KLHL1: variants seen among roughly 807,000 people sequenced by gnomAD.
The protein encoded by KLHL1 is kelch like family member 1.
In KLHL1, 47 loss-of-function variants were observed where a neutral mutation model predicts 77.7. The ratio of observed to expected loss-of-function variants is 0.60; its 90% CI spans 0.48 to 0.77. The LOEUF (loss-of-function observed/expected upper bound fraction) is 0.77. KLHL1 is among the 30% of genes least tolerant of loss of function. The pLI, the probability that KLHL1 is intolerant of heterozygous loss-of-function variation, is 0.00. For synonymous variants in KLHL1, 360 were observed against 325.2 expected (o/e 1.11, Z -1.15); for missense variants, 925 against 910.8 (o/e 1.02, Z -0.20).
intron 8 of KLHL1, among the ~76,000 whole-genome samples, chr13:69,733,866 G>C (rs963384290): frequency 6.6e-6 from 1 of 152,144 alleles, no homozygotes; most frequent in African/African-American, 2.4e-5. Context: ...AAATGTGTAT[G>C]TACATTCACC....
intron 6 of KLHL1, among the ~76,000 whole-genome samples, chr13:69,829,504 C>T (rs1361816317): frequency 1.3e-5 from 2 of 149,950 alleles, no homozygotes; most frequent in Non-Finnish European, 3.0e-5. Context: ...ACCAGAAAAA[C>T]AATTTTAGTA....
intron 7 of KLHL1, among the ~76,000 whole-genome samples, chr13:69,768,808 A>G (rs1281322970): frequency 6.6e-6 from 1 of 152,188 alleles, no homozygotes; most frequent in Non-Finnish European, 1.5e-5. Flanking sequence ...CCTACTCACT[A>G]AAAGCAAAAA....
intron 1 of KLHL1, among the ~76,000 whole-genome samples, chr13:69,987,478 A>G (rs1884904458): frequency 6.6e-6 from 1 of 152,058 alleles, no homozygotes; most frequent in Non-Finnish European, 1.5e-5. Context: ...CTTCCTGGTG[A>G]AGTATCACAA....
intron 6 of KLHL1, among the ~76,000 whole-genome samples, chr13:69,807,841 C>A (rs1314986762): frequency 1.3e-5 from 2 of 152,136 alleles, no homozygotes; most frequent in Non-Finnish European, 2.9e-5. Flanking sequence ...GGCAAGACTG[C>A]AGCCAGGGTA....
chr13:70,031,967 T>C (rs2439660), intron 1 of KLHL1, among the ~76,000 whole-genome samples: 89,691 of 151,906 alleles, frequency 0.59, 28,437 homozygotes, highest in East Asian at 0.81. Context: ...GAAGAAAGAA[T>C]ATGATATTTA....
rs1885842266 is a variant in KLHL1 at position 70,022,993 on chromosome 13, C to T, written c.498-47191G>A. Among the ~76,000 whole-genome samples the T allele has an allele frequency of 2.6e-5, 4 of 152,034 alleles. No individual in the cohort carries two copies. The South Asian group carries it at 8.3e-4, about 32-fold the overall frequency. ...AAGTTTCGATCATGTCTTCCATATG[C>T]ATAACACATGCATATCCTCTTAAAG... On this transcript the variant is annotated intron_variant, in intron 1 of 10. Transcript: ENST00000377844.
intron 1 of KLHL1, among the ~76,000 whole-genome samples, chr13:70,075,735 G>GTA (rs1248924828): frequency 8.0e-5 from 10 of 125,146 alleles, no homozygotes; most frequent in African/African-American, 2.4e-4. Flanking sequence ...ACACATAGGT[G>GTA]TATATATATA....
At chr13:69,722,434 A>G (rs9542047) in intron 8 of KLHL1, among the ~76,000 whole-genome samples, 73,980 of 151,638 alleles carry the variant, frequency 0.49, 19,500 homozygotes, top group East Asian at 0.67. Flanking sequence ...GAACAGACCT[A>G]TATCTATCTA....
chr13:70,023,353 G>A (rs1427753903), intron 1 of KLHL1, among the ~76,000 whole-genome samples: 1 of 151,746 alleles, frequency 6.6e-6, no homozygotes, highest in Non-Finnish European at 1.5e-5. Flanking sequence ...GAAACACTTG[G>A]TAGTGTGTTG....
At chr13:69,793,460 C>T (rs1039469333) in intron 7 of KLHL1, among the ~76,000 whole-genome samples, 9 of 150,096 alleles carry the variant, frequency 6.0e-5, no homozygotes, top group Non-Finnish European at 1.3e-4. Context: ...GTTTTAGCAA[C>T]TACAGAACTC....
intron 2 of KLHL1, among the ~76,000 whole-genome samples, chr13:69,967,479 AATGG>A (rs2137278911): frequency 6.6e-6 from 1 of 152,298 alleles, no homozygotes; most frequent in East Asian, 1.9e-4. Context: ...ATCAAATTTG[AATGG>A]ATGAAGAGTT....
chr13:70,014,361 T>A (rs1885606367), intron 1 of KLHL1, among the ~76,000 whole-genome samples: 1 of 152,100 alleles, frequency 6.6e-6, no homozygotes. Flanking sequence ...ATGTACAACT[T>A]TGTCAAAAAT....
intron 1 of KLHL1, among the ~76,000 whole-genome samples, chr13:70,105,247 A>T (rs73518776): frequency 0.04 from 6,148 of 152,060 alleles, 431 homozygotes; most frequent in African/African-American, 0.14. Context: ...TTCAAAAGTA[A>T]GAAACTTGTT....
At chr13:69,837,005 A>T (rs1319095521) in intron 6 of KLHL1, among the ~76,000 whole-genome samples, 3 of 152,024 alleles carry the variant, frequency 2.0e-5, no homozygotes, top group East Asian at 3.9e-4. Context: ...TTGGGGATTG[A>T]CTATACGACT....
chr13:69,871,439 G>A (rs1322507880), intron 5 of KLHL1, among the ~76,000 whole-genome samples: 1 of 152,094 alleles, frequency 6.6e-6, no homozygotes, highest in Non-Finnish European at 1.5e-5. Flanking sequence ...TCTAGTAAGC[G>A]ATTGCTCCAC....
chr13:70,053,328 C>T (rs1203858757), intron 1 of KLHL1, among the ~76,000 whole-genome samples: 3 of 151,798 alleles, frequency 2.0e-5, no homozygotes, highest in Non-Finnish European at 2.9e-5. Context: ...TAAGTTAGGG[C>T]CAGATCTAGA....
At chr13:69,904,229 T>C (rs1425248358) in intron 4 of KLHL1, among the ~76,000 whole-genome samples, 1 of 152,082 alleles carries the variant, frequency 6.6e-6, no homozygotes, top group Non-Finnish European at 1.5e-5. Flanking sequence ...GAAAGTAGAA[T>C]TCCTGACAAT....
At chr13:70,057,667 T>C (rs1886778002) in intron 1 of KLHL1, among the ~76,000 whole-genome samples, 1 of 147,816 alleles carries the variant, frequency 6.8e-6, no homozygotes, top group East Asian at 2.0e-4. Context: ...TCCCAGCTAC[T>C]CGGGAGGCTG....
intron 4 of KLHL1, among the ~76,000 whole-genome samples, chr13:69,909,153 G>A (rs1027751365): frequency 4.6e-5 from 7 of 150,998 alleles, no homozygotes; most frequent in African/African-American, 1.7e-4. Context: ...ATAAGTGGAT[G>A]CTCAAGACAG....
Sources: allele counts gnomAD v4.1 joint callset (sites outside exome capture counted in the v4.1 genomes callset), GRCh38; gene constraint gnomAD v4.1.1; transcripts MANE v1.5; gene names NCBI Gene and HGNC (gene_info 2026-07-23, HGNC 2026-07-21).